Variants in CHD9 observed in about 807,000 individuals in gnomAD.
CHD9 encodes the protein ATP-dependent chromatin remodeler CHD9.
A neutral mutation model predicts 316.1 loss-of-function variants in CHD9; 77 were observed. That is an observed-to-expected ratio of 0.24 (90% CI 0.20 to 0.29). The LOEUF (loss-of-function observed/expected upper bound fraction) is 0.29, where lower values mean the gene tolerates loss of function less well. Among genes scored for constraint, CHD9 ranks in the 10% least tolerant of loss-of-function variants. CHD9 has a pLI of 1.00. For missense variants in CHD9, 2,763 were observed against 3,438.1 expected (o/e 0.80, Z 4.91); for synonymous variants, 1,129 against 1,158.3 (o/e 0.97, Z 0.51).
chr16:53,162,035 C>T (rs2041949408), intron 2 of CHD9, among the ~76,000 whole-genome samples: 1 of 152,182 alleles, frequency 6.6e-6, no homozygotes, highest in Admixed American at 6.5e-5. Context: ...CAGGTGTGAG[C>T]CACTGTGCCT....
At position 53,209,517 on chromosome 16, in the gene CHD9, A is replaced by G. The variant is rs967306760; in HGVS notation, c.1488A>G (p.Thr496=). ...PSSKKSDGSG[T]YTKLQNTQVR... ...CCAAGAAGAGCGATGGTTCTGGGACATATACTAAGTTGCAGAATACCCAGG... is the reference window on the plus strand; with the variant it reads ...CCAAGAAGAGCGATGGTTCTGGGACGTATACTAAGTTGCAGAATACCCAGG... The change falls in exon 3 of 39, where the codon ACA becomes ACG. Residue 496 remains threonine, a synonymous_variant. Coordinates refer to ENST00000447540, the MANE Select transcript of CHD9 (RefSeq NM_001308319.2). 2.5e-6 allele frequency: 4 copies of G among 1,613,712 alleles called. No individual in the cohort carries two copies. The highest frequency in any genetic ancestry group is 1.7e-4 in the Middle Eastern group (1 of 6,060).
In CHD9 at chr16:53,105,876, T is replaced by C. The variant is rs147964964; in HGVS notation, c.-164-50050T>C. ...TTCACTCCTGTTTCTCAGGCTGGAGTGCAATAGCGCGGTCTTGGTCACTAC... is the reference window on the plus strand; with the variant it reads ...TTCACTCCTGTTTCTCAGGCTGGAGCGCAATAGCGCGGTCTTGGTCACTAC... On this transcript the variant is annotated intron_variant, in intron 1 of 38. Transcript: ENST00000447540. 7.0e-3 allele frequency among the ~76,000 whole-genome samples: 1,056 copies of C among 150,380 alleles called. 10 individuals carry two copies. The highest frequency in any genetic ancestry group is 0.025 in the African/African-American group (1,017 of 40,840).
chr16:53,131,908 C>T (rs992799148), intron 1 of CHD9, among the ~76,000 whole-genome samples: 21 of 152,164 alleles, frequency 1.4e-4, no homozygotes, highest in Admixed American at 2.6e-4. Flanking sequence ...CCCGCCAGCC[C>T]CCGTGTGTGC....
chr16:53,148,846 G>A (rs186036744), intron 1 of CHD9, among the ~76,000 whole-genome samples: 117 of 152,142 alleles, frequency 7.7e-4, no homozygotes, highest in Non-Finnish European at 1.4e-3. Context: ...GTTTCCTTAG[G>A]GGTACAATTA....
Position 53,121,460 on chromosome 16 carries a change from C to T in CHD9, c.-164-34466C>T, listed in dbSNP as rs962756220. 3.3e-5 allele frequency: 15 copies of T among 455,832 alleles called. 1 individual carries two copies. Among genetic ancestry groups the T allele is most frequent in the Middle Eastern group, 6.5e-4 (2 of 3,090 alleles). The allele number at this position is 455,832 out of a possible 1,614,324, so 28.2% of individuals were successfully genotyped here. A position where few individuals can be genotyped will look rare whatever the true frequency, so the allele number is the denominator to read the frequency against. On this transcript the variant is annotated intron_variant, in intron 1 of 38. Coordinates refer to ENST00000447540, the MANE Select transcript of CHD9 (RefSeq NM_001308319.2). ...CAAGCAGCTGTTTATAAAAGCAGAA[C>T]AGTGTTAAGATTTGAACTGTAAAGT... is the stretch of plus-strand genomic sequence containing the variant.
At chr16:53,309,127 A>G (rs896002214) in intron 34 of CHD9, among the ~76,000 whole-genome samples, 1 of 152,226 alleles carries the variant, frequency 6.6e-6, no homozygotes, top group African/African-American at 2.4e-5. Context: ...TAAAAGTTCA[A>G]ACTGCATTTC....
rs1303336130 is a variant in CHD9 at position 53,326,861 on chromosome 16, T to C, written c.*1966T>C. The C allele has an allele frequency of 6.6e-6, 1 of 151,232 alleles. No individual in the cohort carries two copies. The highest frequency in any genetic ancestry group is 1.5e-5 in the Non-Finnish European group (1 of 67,656). 9.4% of individuals were successfully genotyped at this position (151,232 alleles called of 1,614,324 possible). The stretch of plus-strand genomic sequence containing the variant: ...ACCCACATGATCTTTATTCCTTCCT[T>C]TCGCCAATTAAAAAAAAAAAAAAGG... On this transcript the variant is annotated 3_prime_UTR_variant, in exon 39 of 39. Transcript: ENST00000447540.
At chr16:53,148,956 G>T (rs1457549433) in intron 1 of CHD9, among the ~76,000 whole-genome samples, 1 of 152,138 alleles carries the variant, frequency 6.6e-6, no homozygotes, top group Non-Finnish European at 1.5e-5. Context: ...GATAAGTTTT[G>T]CTATATTGCG....
chr16:53,285,705 TA>T lies in CHD9; in HGVS notation c.5071+8del. On this transcript the variant is annotated splice_region_variant and intron_variant, in intron 25 of 38. Coordinates refer to ENST00000447540, the MANE Select transcript of CHD9 (RefSeq NM_001308319.2). ...TATTGGAGTTTTTAAACATGGTAAG[TA>T]AGAAGTAAGGTAGGTGAGATCCCCT... 6.5e-7 allele frequency: 1 copy of T among 1,533,992 alleles called. No homozygotes were observed. The highest frequency in any genetic ancestry group is 1.1e-5 in the South Asian group (1 of 87,596).
rs372056659 is a variant in CHD9 at position 53,299,749 on chromosome 16, G to A, written c.5713+2591G>A. 34 of 183,460 alleles carry A rather than the reference G, an allele frequency of 1.9e-4. No homozygotes were observed. The East Asian group carries it at 3.4e-3, about 19-fold the overall frequency. The allele number at this position is 183,460 out of a possible 1,614,324, so 11.4% of individuals were successfully genotyped here. Reference sequence around the variant, plus strand: ...GCTACACCAGGCTTTCTCTCTGGTCGTGGACAAGCAGGTTGAAGAGAAAAA... The same window carrying A: ...GCTACACCAGGCTTTCTCTCTGGTCATGGACAAGCAGGTTGAAGAGAAAAA... On this transcript the variant is annotated intron_variant, in intron 30 of 38. Coordinates refer to ENST00000447540, the MANE Select transcript of CHD9 (RefSeq NM_001308319.2).
At chr16:53,186,446 T>C (rs1318538856) in intron 2 of CHD9, among the ~76,000 whole-genome samples, 1 of 152,216 alleles carries the variant, frequency 6.6e-6, no homozygotes, top group African/African-American at 2.4e-5. Flanking sequence ...GGCTTTTGAT[T>C]TTACAGGCTC....
At chr16:53,058,768 A>G (rs2032489096) in intron 1 of CHD9, among the ~76,000 whole-genome samples, 1 of 152,120 alleles carries the variant, frequency 6.6e-6, no homozygotes, top group Non-Finnish European at 1.5e-5. Context: ...CACTGCTGGT[A>G]AGCAGCAACA....
chr16:53,223,321 G>A (rs962252996), intron 4 of CHD9: 3 of 149,820 alleles, frequency 2.0e-5, no homozygotes, highest in Non-Finnish European at 4.4e-5. Context: ...ATATAGTGAA[G>A]GTCATAATAA....
rs1359243617 is a variant in CHD9 at position 53,251,213 on chromosome 16, G to A, written c.3861+1147G>A. Among the ~76,000 whole-genome samples the A allele has an allele frequency of 1.1e-4, 17 of 152,110 alleles. 1 individual carries two copies. The highest frequency in any genetic ancestry group is 1.1e-3 in the Admixed American group (17 of 15,266). On this transcript the variant is annotated intron_variant, in intron 17 of 38. Transcript: ENST00000447540. ...TAAAAAAGCCATTCTTAGTTGGCAAGCCAGATTTGGTCCACAGGCTGTAGT... is the reference window on the plus strand; with the variant it reads ...TAAAAAAGCCATTCTTAGTTGGCAAACCAGATTTGGTCCACAGGCTGTAGT...
intron 10 of CHD9, among the ~76,000 whole-genome samples, chr16:53,233,391 T>C (rs898347128): frequency 1.3e-5 from 2 of 152,176 alleles, no homozygotes; most frequent in South Asian, 4.1e-4. Flanking sequence ...TCTGTCCCTG[T>C]AGAGTTGGGG....
Position 53,288,009 on chromosome 16 carries a change from A to G in CHD9, c.5242A>G (p.Ile1748Val), listed in dbSNP as rs2153045990. Residue 1748 changes from isoleucine (I) to valine (V), a missense_variant, in exon 27 of 39, where the codon ATA (isoleucine) becomes GTA (valine). This residue lies in a region of CHD9 where 183 missense variants were observed against 258.5 expected (regional missense o/e 0.71). Coordinates refer to ENST00000447540, the MANE Select transcript of CHD9 (RefSeq NM_001308319.2). The stretch of plus-strand genomic sequence containing the variant: ...TGCCCCAGCCATCTTTAAAGATGAT[A>G]TAGAGGTATGCATTGGATCATATTT... ...KPAPAIFKDD[I>V]EDDVSSPGDL... 1 of 1,605,092 alleles carries G rather than the reference A, an allele frequency of 6.2e-7. No individual in the cohort carries two copies. The highest frequency in any genetic ancestry group is 8.5e-7 in the Non-Finnish European group (1 of 1,171,700).
intron 1 of CHD9, among the ~76,000 whole-genome samples, chr16:53,110,291 A>G (rs768536664): frequency 1.3e-5 from 2 of 152,210 alleles, no homozygotes; most frequent in Non-Finnish European, 2.9e-5. Context: ...GAATGCCTTC[A>G]GAAATAATCT....
At chr16:53,224,276 G>C (rs1033443266) in intron 4 of CHD9, among the ~76,000 whole-genome samples, 5 of 152,250 alleles carry the variant, frequency 3.3e-5, no homozygotes, top group African/African-American at 1.2e-4. Flanking sequence ...CAAAAATGTG[G>C]ACATAAGATT....
intron 4 of CHD9, among the ~76,000 whole-genome samples, chr16:53,225,052 A>T (rs2047536692): frequency 6.6e-6 from 1 of 152,152 alleles, no homozygotes; most frequent in African/African-American, 2.4e-5. Flanking sequence ...GGCTGACCAT[A>T]TGAGTGCCTT....
Sources: gnomAD v4.1 joint callset for allele counts (sites outside exome capture counted in the v4.1 genomes callset) on GRCh38, gnomAD v4.1.1 for gene constraint, gnomAD v4.1.1 regional missense constraint, MANE v1.5 for transcripts, NCBI Gene and HGNC (gene_info 2026-07-23, HGNC 2026-07-21) for gene names.